The following CLDN16 variants were observed in gnomAD, a reference collection of about 807,000 sequenced individuals.
The protein encoded by CLDN16 is claudin-16.
A neutral mutation model predicts 24.6 loss-of-function variants in CLDN16; 13 were observed. The ratio of observed to expected loss-of-function variants is 0.53; its 90% CI spans 0.34 to 0.84. The LOEUF is 0.84. Ranked by LOEUF, CLDN16 falls within the 40% of genes least tolerant of loss-of-function variation. CLDN16 has a pLI of 0.01. For missense variants in CLDN16, 298 were observed against 292.7 expected (o/e 1.02, Z -0.13); for synonymous variants, 116 against 106.7 (o/e 1.09, Z -0.54).
chr3:190,340,277 C>T (rs115280438), intron 1 of CLDN16, among the ~76,000 whole-genome samples: 44 of 152,262 alleles, frequency 2.9e-4, no homozygotes, highest in African/African-American at 9.4e-4. Flanking sequence ...CTGTATTAGT[C>T]CATTTTCATC....
the CLDN16 span, among the ~76,000 whole-genome samples, chr3:190,295,191 A>G: frequency 2.6e-5 from 4 of 152,284 alleles, no homozygotes; most frequent in Middle Eastern, 3.4e-3. Context: ...CAGTCTTAAG[A>G]TGAGATTGTG....
At chr3:190,326,161 A>G (rs1717056036) in intron 1 of CLDN16, among the ~76,000 whole-genome samples, 1 of 152,208 alleles carries the variant, frequency 6.6e-6, no homozygotes, top group Admixed American at 6.5e-5. Flanking sequence ...TGTTATGAAC[A>G]TTAAACAAGT....
chr3:190,405,110 C>T (rs1323722155), intron 3 of CLDN16, among the ~76,000 whole-genome samples, 184 bp downstream of exon 3: 1 of 152,096 alleles, frequency 6.6e-6, no homozygotes, highest in Non-Finnish European at 1.5e-5. Context: ...GCTAATTAGT[C>T]TTTTGTTAAT....
intron 1 of CLDN16, among the ~76,000 whole-genome samples, chr3:190,328,323 A>G (rs1717113645): frequency 6.6e-6 from 1 of 152,150 alleles, no homozygotes; most frequent in African/African-American, 2.4e-5. Flanking sequence ...GATTTTTGGG[A>G]TAAGACAGAA....
At chr3:190,324,919 A>G (rs1024610091) in intron 1 of CLDN16, among the ~76,000 whole-genome samples, 2 of 152,210 alleles carry the variant, frequency 1.3e-5, no homozygotes, top group Non-Finnish European at 2.9e-5. Flanking sequence ...ACTGAGACCA[A>G]GAAGGCTCTA....
the CLDN16 span, among the ~76,000 whole-genome samples, chr3:190,301,229 T>A: frequency 6.6e-6 from 1 of 152,182 alleles, no homozygotes; most frequent in Non-Finnish European, 1.5e-5. Context: ...GTGCGGTGAC[T>A]CATGCCTGTA....
chr3:190,353,498 AT>A (rs1717709591), intron 1 of CLDN16, among the ~76,000 whole-genome samples: 6 of 152,078 alleles, frequency 3.9e-5, no homozygotes, highest in Admixed American at 2.0e-4. Context: ...TTATTTAGTT[AT>A]GTCTATGGAC....
the CLDN16 span, chr3:190,308,306 C>T: frequency 6.2e-7 from 1 of 1,613,624 alleles, no homozygotes; most frequent in Admixed American, 1.7e-5. Context: ...CTGGAAGGTG[C>T]AGGTTTTGGA....
intron 2 of CLDN16, among the ~76,000 whole-genome samples, chr3:190,374,269 T>TTG (rs3220823): frequency 0.062 from 8,579 of 139,266 alleles, 279 homozygotes; most frequent in Non-Finnish European, 0.073. Flanking sequence ...CTGAAAAACA[T>TTG]TGTGTGTGTG....
intron 3 of CLDN16, among the ~76,000 whole-genome samples, chr3:190,405,437 A>AG: frequency 6.6e-6 from 1 of 151,198 alleles, no homozygotes; most frequent in East Asian, 1.9e-4. Flanking sequence ...GGAAAAAAAA[A>AG]AAAAAAAAAA....
At position 190,379,058 on chromosome 3, in the gene CLDN16, C is replaced by T. The variant is rs953979605; in HGVS notation, n.306+4455C>T. ...GCTATAGACCTTTGAAAATTTGAGG[C>T]GTAAGCAAAGAAACGTACTTGATTT... On this transcript the variant is annotated intron_variant and non_coding_transcript_variant, in intron 3 of 4. Transcript: ENST00000468220. 1.1e-4 allele frequency among the ~76,000 whole-genome samples: 16 copies of T among 152,110 alleles called. No individual in the cohort carries two copies. In the South Asian group the frequency reaches 3.1e-3, roughly 30 times the overall value.
the CLDN16 span, chr3:190,308,167 CCATACTT>C: frequency 7.9e-7 from 1 of 1,271,108 alleles, no homozygotes; most frequent in Non-Finnish European, 1.1e-6. Flanking sequence ...TTTTGTAATA[CCATACTT>C]CAGATTACAA....
intron 1 of CLDN16, among the ~76,000 whole-genome samples, chr3:190,391,740 T>C (rs1449684224): frequency 6.6e-6 from 1 of 152,176 alleles, no homozygotes; most frequent in Non-Finnish European, 1.5e-5. Context: ...TACCACACTC[T>C]ACCTATCTCA....
At chr3:190,395,963 G>T (rs181979668) in intron 1 of CLDN16, among the ~76,000 whole-genome samples, 1 of 151,956 alleles carries the variant, frequency 6.6e-6, no homozygotes, top group Non-Finnish European at 1.5e-5. Flanking sequence ...GATAAATGCC[G>T]AACATTGTTG....
chr3:190,324,318 A>G (rs753492625), intron 1 of CLDN16, among the ~76,000 whole-genome samples: 1 of 152,062 alleles, frequency 6.6e-6, no homozygotes, highest in Non-Finnish European at 1.5e-5. Flanking sequence ...CCCCGTCTCT[A>G]CTAACAATAT....
intron 1 of CLDN16, among the ~76,000 whole-genome samples, chr3:190,330,551 AT>A (rs146260464): frequency 0.027 from 4,188 of 152,294 alleles, 91 homozygotes; most frequent in Admixed American, 0.04. Context: ...TACTTTCATC[AT>A]CCGGTGGTGG....
At chr3:190,379,805 AATTCTT>A (rs1297711821) in intron 3 of CLDN16, among the ~76,000 whole-genome samples, 5 of 152,128 alleles carry the variant, frequency 3.3e-5, no homozygotes, top group African/African-American at 1.2e-4. Context: ...TTTTCTAAGA[AATTCTT>A]ATTATTTAAG....
chr3:190,312,743 T>C, the CLDN16 span: 1 of 985,188 alleles, frequency 1.0e-6, no homozygotes, highest in Non-Finnish European at 1.6e-6. Context: ...GAAAGTCAAC[T>C]GGACTTCAGG....
At chr3:190,378,622 C>T (rs977229625) in intron 3 of CLDN16, among the ~76,000 whole-genome samples, 2 of 152,018 alleles carry the variant, frequency 1.3e-5, no homozygotes, top group African/African-American at 2.4e-5. Flanking sequence ...ACGTATGAGT[C>T]CTGCTGTCGG....
Sources: allele counts gnomAD v4.1 joint callset (sites outside exome capture counted in the v4.1 genomes callset), GRCh38; gene constraint gnomAD v4.1.1; transcripts MANE v1.5; gene names NCBI Gene and HGNC (gene_info 2026-07-23, HGNC 2026-07-21).